The following DMTF1 variants were observed in gnomAD, a reference collection of about 807,000 sequenced individuals.
The protein encoded by DMTF1 is cyclin D binding myb like transcription factor 1, also known as cyclin-D-binding Myb-like transcription factor 1.
DMTF1 carries 39 observed loss-of-function variants against 91.1 expected under a neutral mutation model. That is an observed-to-expected ratio of 0.43 (90% CI 0.33 to 0.56). The LOEUF is 0.56. Ranked by LOEUF, DMTF1 falls within the 20% of genes least tolerant of loss-of-function variation. DMTF1 has a pLI of 0.05. For missense variants in DMTF1, 750 were observed against 914.5 expected, an observed-to-expected ratio of 0.82 and a Z score of 2.32; for synonymous variants, 338 against 309.5, an observed-to-expected ratio of 1.09 and a Z score of -0.97.
intron 14 of DMTF1, 118 bp from the exon 15 acceptor site, chr7:87,193,076 ATTAC>A: frequency 2.1e-6 from 2 of 965,646 alleles, no homozygotes; most frequent in Non-Finnish European, 3.1e-6. Flanking sequence ...CCTACATTGT[ATTAC>A]TTGTTCGCAC....
At chr7:87,193,028 A>T in intron 14 of DMTF1, 170 bp from the exon 15 acceptor site, 1 of 638,898 alleles carries the variant, frequency 1.6e-6, no homozygotes. Flanking sequence ...GCAGCCTCTT[A>T]AACCTTCAGG....
intron 1 of DMTF1, among the ~76,000 whole-genome samples, chr7:87,159,500 T>C (rs1404560931): frequency 1.3e-5 from 2 of 152,220 alleles, no homozygotes; most frequent in Non-Finnish European, 2.9e-5. Flanking sequence ...TACCCTCAGG[T>C]ATTTTTTTCT....
At position 87,193,847 on chromosome 7, in the gene DMTF1, C is replaced by A. The variant is rs201089625; in HGVS notation, c.1773C>A (p.Val591=). Residue 591 remains valine (V), a synonymous_variant, in exon 16 of 18, where the codon GTC becomes GTA. Transcript: ENST00000331242. ...TSSISQAELT[V]DSDIQSSDFP... The stretch of plus-strand genomic sequence containing the variant: ...CCATATCCCAAGCAGAACTGACAGT[C>A]GATAGTGATATTCAGTCATCTGATT... 3 of 1,613,264 alleles carry A rather than the reference C, an allele frequency of 1.9e-6. No homozygotes were observed. Among genetic ancestry groups the A allele is most frequent in the Middle Eastern group, 1.7e-4 (1 of 6,056 alleles).
Position 87,183,748 on chromosome 7 carries a change from A to G in DMTF1, c.821-649A>G, listed in dbSNP as rs111853851. 6.1e-3 allele frequency among the ~76,000 whole-genome samples: 926 copies of G among 151,984 alleles called. 12 individuals carry two copies. The highest frequency in any genetic ancestry group is 0.032 in the South Asian group (155 of 4,828). On this transcript the variant is annotated intron_variant, in intron 10 of 17. Coordinates refer to ENST00000331242, the MANE Select transcript of DMTF1 (RefSeq NM_001142327.2). ...CTTTCTGTTTTTCTGCTCTAGCTCC[A>G]TAAGAAAAAGACAGAGAGGAACATT...
chr7:87,186,577 G>A (rs531395745), intron 12 of DMTF1: 1 of 152,444 alleles, frequency 6.6e-6, no homozygotes, highest in Admixed American at 6.5e-5. Context: ...AACAACAGAT[G>A]TCATACATAG....
Position 87,194,025 on chromosome 7 carries a change from A to G in DMTF1, c.1951A>G (p.Thr651Ala). 1.2e-6 allele frequency: 2 copies of G among 1,613,086 alleles called. No individual in the cohort carries two copies. The highest frequency in any genetic ancestry group is 1.7e-6 in the Non-Finnish European group (2 of 1,179,510). ...TELMNSVMVRTEEEISDTDLK... is the reference protein window; with the variant it reads ...TELMNSVMVRAEEEISDTDLK... ...ACTGATGAATAGTGTTATGGTCAGA[A>G]CAGAAGAAGAAATCTCTGACACCGA... is the stretch of plus-strand genomic sequence containing the variant. The change falls in exon 16 of 18, where the codon ACA becomes GCA. Residue 651 changes from threonine (T) to alanine (A), a missense_variant. Around this residue, in one of 3 missense-constraint regions of DMTF1, gnomAD observed 410 missense variants for 420.2 expected, o/e 0.98. Transcript: ENST00000331242.
At position 87,194,717 on chromosome 7, in the gene DMTF1, G is replaced by C. The variant is rs1800851068; in HGVS notation, c.2062G>C (p.Asp688His). The C allele has an allele frequency of 1.2e-6, 2 of 1,609,974 alleles. No homozygotes were observed. Among genetic ancestry groups the C allele is most frequent in the Non-Finnish European group, 1.7e-6 (2 of 1,177,284 alleles). The change falls in exon 17 of 18, where the codon GAT becomes CAT. Residue 688 changes from aspartate (D) to histidine (H), a missense_variant. This residue lies in a region of DMTF1 where 410 missense variants were observed against 420.2 expected (regional missense o/e 0.98). Coordinates refer to ENST00000331242, the MANE Select transcript of DMTF1 (RefSeq NM_001142327.2). ...LESPTIEEQV[D>H]QTIDDETILI... ...GTCTCCCACTATAGAAGAACAAGTT[G>C]ATCAAACAATTGATGATGAAACAAT... is the stretch of plus-strand genomic sequence containing the variant.
intron 15 of DMTF1, 83 bp from the exon 16 acceptor site, chr7:87,193,635 GAGAGGTA>G: frequency 1.6e-6 from 2 of 1,214,882 alleles, no homozygotes; most frequent in South Asian, 3.0e-5. Flanking sequence ...TTTACAGTTT[GAGAGGTA>G]AGAGATGTGG....
At chr7:87,168,229 T>C (rs1794271234) in intron 4 of DMTF1, among the ~76,000 whole-genome samples, 1 of 152,210 alleles carries the variant, frequency 6.6e-6, no homozygotes, top group South Asian at 2.1e-4. Context: ...CTTCTTTTTG[T>C]AGTCATCTGC....
chr7:87,164,017 T>C (rs1429253199), intron 2 of DMTF1, among the ~76,000 whole-genome samples: 1 of 138,986 alleles, frequency 7.2e-6, no homozygotes, highest in East Asian at 2.1e-4. Context: ...GAATAGCCTC[T>C]GCACTCCAGC....
chr7:87,187,247 G>GTAT (rs1798658674), intron 12 of DMTF1: 1 of 152,120 alleles, frequency 6.6e-6, no homozygotes, highest in African/African-American at 2.4e-5. Context: ...AAATACCCAG[G>GTAT]TATAGGCCAG....
chr7:87,184,419 A>G lies in DMTF1; in HGVS notation c.843A>G (p.Glu281=). 1 of 1,613,858 alleles carries G rather than the reference A, an allele frequency of 6.2e-7. No homozygotes were observed. Among genetic ancestry groups the G allele is most frequent in the Non-Finnish European group, 8.5e-7 (1 of 1,179,866 alleles). The change falls in exon 11 of 18, where the codon GAA becomes GAG. Residue 281 remains glutamate, a synonymous_variant. Transcript: ENST00000331242. ...CAGGGAAGTGGACAGAAGAAGAAGA[A>G]AAGAGACTTGCAGAAGTGGTTCATG... ...CNTGKWTEEE[E]KRLAEVVHEL...
chr7:87,182,060 C>A (rs1797496013), intron 9 of DMTF1, 168 bp from the exon 10 acceptor site: 2 of 1,535,036 alleles, frequency 1.3e-6, no homozygotes, highest in Non-Finnish European at 1.7e-6. Context: ...CCACAGACAA[C>A]TGTGGACCCC....
At chr7:87,190,505 C>T (rs1181954620) in intron 13 of DMTF1, among the ~76,000 whole-genome samples, 1 of 151,988 alleles carries the variant, frequency 6.6e-6, no homozygotes, top group African/African-American at 2.4e-5. Context: ...TCTTTACTTC[C>T]TACCGTTAGA....
intron 1 of DMTF1, among the ~76,000 whole-genome samples, chr7:87,160,248 T>A (rs1405115722): frequency 6.6e-6 from 1 of 151,584 alleles, no homozygotes; most frequent in Non-Finnish European, 1.5e-5. Flanking sequence ...CTAAACTTCG[T>A]GAAAAAAGTA....
Position 87,193,911 on chromosome 7 carries a change from C to G in DMTF1, c.1837C>G (p.Pro613Ala), listed in dbSNP as rs766362521. Residue 613 changes from proline (P) to alanine (A), a missense_variant, in exon 16 of 18, where the codon CCA becomes GCA. Around this residue, in one of 3 missense-constraint regions of DMTF1, gnomAD observed 410 missense variants for 420.2 expected, o/e 0.98. Transcript: ENST00000331242. ...AGACGCCCTAGAAGCAGACACTTTC[C>G]CAGATGAAATTCATCACCCTAAGAT... ...PPDALEADTF[P>A]DEIHHPKMTV... 1.9e-6 allele frequency: 3 copies of G among 1,613,256 alleles called. No homozygotes were observed. In the South Asian group the frequency reaches 3.3e-5, roughly 18 times the overall value.
chr7:87,174,802 A>T (rs1445316566), intron 7 of DMTF1, 133 bp downstream of exon 7: 1 of 513,676 alleles, frequency 1.9e-6, no homozygotes, highest in Non-Finnish European at 3.5e-6. Flanking sequence ...AATGGCTAAC[A>T]TGTAGCTGAA....
At chr7:87,157,108 T>C (rs1049998267) in intron 1 of DMTF1, among the ~76,000 whole-genome samples, 3 of 152,098 alleles carry the variant, frequency 2.0e-5, no homozygotes, top group African/African-American at 7.2e-5. Context: ...TCTTATACTG[T>C]ATTGGGTCAG....
chr7:87,189,657 C>A lies in DMTF1; in HGVS notation c.1412-1288C>A, dbSNP rs867378337. On this transcript the variant is annotated intron_variant, in intron 13 of 17. Transcript: ENST00000331242. The stretch of plus-strand genomic sequence containing the variant: ...TTACCTGTAGCATTCTAACTAAAAT[C>A]TCTTTTCGTTTTTTAGGTTAGGGAA... 9.9e-4 allele frequency among the ~76,000 whole-genome samples: 150 copies of A among 152,182 alleles called. 1 individual carries two copies. The highest frequency in any genetic ancestry group is 3.4e-3 in the Middle Eastern group (1 of 294).
Sources: gnomAD v4.1 joint callset for allele counts (sites outside exome capture counted in the v4.1 genomes callset) on GRCh38, gnomAD v4.1.1 for gene constraint, gnomAD v4.1.1 regional missense constraint, MANE v1.5 for transcripts, NCBI Gene and HGNC (gene_info 2026-07-23, HGNC 2026-07-21) for gene names.